ASH1L: variants seen among roughly 807,000 people sequenced by gnomAD.
ASH1L encodes ASH1 like histone lysine methyltransferase, also known as histone-lysine N-methyltransferase ASH1L.
In ASH1L, 23 loss-of-function variants were observed where a neutral mutation model predicts 269.0. The ratio of observed to expected loss-of-function variants is 0.09; its 90% confidence interval spans 0.06 to 0.12. The LOEUF is 0.12. Ranked by LOEUF, ASH1L falls within the 10% of genes least tolerant of loss-of-function variation. ASH1L has a pLI of 1.00. For synonymous variants in ASH1L, 1,187 were observed against 1,253.5 expected (o/e 0.95, Z 1.12); for missense variants, 2,912 against 3,567.8 (o/e 0.82, Z 4.68).
rs111792086 is a variant in ASH1L at position 155,515,538 on chromosome 1, T to C, written c.420+5562A>G. Among the ~76,000 whole-genome samples the C allele has an allele frequency of 8.6e-3, 1,308 of 152,180 alleles. 7 individuals carry two copies. Among genetic ancestry groups the C allele is most frequent in the Non-Finnish European group, 0.013 (898 of 68,016 alleles). ...CCTAGTTATGATGATTTAAAATTCA[T>C]GGTCAATGGCCGGACACAGGGACTC... On this transcript the variant is annotated intron_variant, in intron 2 of 27. Coordinates refer to ENST00000392403, the MANE Select transcript of ASH1L (RefSeq NM_018489.3).
At chr1:155,422,865 G>T (rs1165261792) in intron 5 of ASH1L, among the ~76,000 whole-genome samples, 3 of 151,528 alleles carry the variant, frequency 2.0e-5, no homozygotes, top group East Asian at 3.9e-4. Flanking sequence ...GACCAGGCTG[G>T]TCTTGAACTA....
chr1:155,341,120 C>T (rs765443557), intron 25 of ASH1L, among the ~76,000 whole-genome samples: 40 of 149,588 alleles, frequency 2.7e-4, no homozygotes, highest in South Asian at 1.5e-3. Context: ...TACAGGTGCG[C>T]GCCACCACAC....
rs1166006200 is a variant in ASH1L, at chr1:155,343,751, A to G, written c.7982-9T>C. 6.2e-7 allele frequency: 1 copy of G among 1,610,400 alleles called. No individual in the cohort carries two copies. Among genetic ancestry groups the G allele is most frequent in the African/African-American group, 1.3e-5 (1 of 74,772 alleles). ...CAGATACACACAGTCACCTAGGAAG[A>G]CCCAGAACACAGAAGAAACATAAAA... On this transcript the variant is annotated splice_polypyrimidine_tract_variant and intron_variant, in intron 22 of 27. Transcript: ENST00000392403. This position sits in a 1 kb window ranked among gnomAD's most constrained non-coding sequence, Gnocchi z 6.1.
intron 3 of ASH1L, among the ~76,000 whole-genome samples, chr1:155,468,328 G>A (rs1002052532): frequency 6.6e-6 from 1 of 151,650 alleles, no homozygotes; most frequent in South Asian, 2.1e-4. Flanking sequence ...CTTGGTTAAG[G>A]TGCTGTCTGC....
In ASH1L at chr1:155,507,196, C is replaced by T. The variant is rs562744539; in HGVS notation, c.420+13904G>A. ...TCGGGAGGCTGAGGCAGGAGAATCG[C>T]TTGAACCCAGGAGGTGGAGGTTGCG... On this transcript the variant is annotated intron_variant, in intron 2 of 27. Coordinates refer to ENST00000392403, the MANE Select transcript of ASH1L (RefSeq NM_018489.3). Among the ~76,000 whole-genome samples the T allele has an allele frequency of 2.0e-5, 3 of 150,966 alleles. No individual in the cohort carries two copies. In the East Asian group the frequency reaches 6.0e-4, roughly 30 times the overall value.
Position 155,439,027 on chromosome 1 carries a change from C to G in ASH1L, c.5128G>C (p.Gly1710Arg), listed in dbSNP as rs1662335459. Residue 1710 changes from glycine to arginine, a missense_variant, in exon 5 of 28, where the codon GGG becomes CGG. Transcript: ENST00000392403. ...PSRSPRLVAS[G>R]DDSVDSLLQR... ...AGCAGACTATCCACAGAGTCATCCC[C>G]AGAAGCAACTAATCTTGGACTTCGA... is the stretch of plus-strand genomic sequence containing the variant. 6.2e-7 allele frequency: 1 copy of G among 1,612,828 alleles called. No homozygotes were observed. Among genetic ancestry groups the G allele is most frequent in the Middle Eastern group, 1.7e-4 (1 of 6,060 alleles).
chr1:155,494,780 A>G (rs1667040100), intron 2 of ASH1L, among the ~76,000 whole-genome samples: 1 of 152,228 alleles, frequency 6.6e-6, no homozygotes, highest in East Asian at 1.9e-4. Context: ...CAAATTTAGA[A>G]GTCAACAGCA....
intron 1 of ASH1L, among the ~76,000 whole-genome samples, chr1:155,542,830 C>A (rs562408758): frequency 1.3e-5 from 2 of 151,596 alleles, no homozygotes; most frequent in East Asian, 4.0e-4. Flanking sequence ...CATGTGCCCG[C>A]CACCATGCCC....
At chr1:155,393,472 C>A (rs763644644) in intron 7 of ASH1L, among the ~76,000 whole-genome samples, 1 of 152,078 alleles carries the variant, frequency 6.6e-6, no homozygotes, top group Non-Finnish European at 1.5e-5. Flanking sequence ...GTTTAATGAA[C>A]CCCTTTAAAG....
At chr1:155,502,066 CTTTTCTTT>C (rs1667545572) in intron 2 of ASH1L, among the ~76,000 whole-genome samples, 1 of 143,450 alleles carries the variant, frequency 7.0e-6, no homozygotes, top group Admixed American at 6.9e-5. Flanking sequence ...CTTTTCTTTT[CTTTTCTTT>C]TTTTTTTTTT....
At chr1:155,361,872 CAAAA>C (rs771879733) in intron 12 of ASH1L, among the ~76,000 whole-genome samples, 1 of 58,676 alleles carries the variant, frequency 1.7e-5, no homozygotes, top group Non-Finnish European at 3.8e-5. Context: ...GACTCCGTCT[CAAAA>C]AAAAAAAAAA....
At chr1:155,548,927 T>C (rs1671009084) in intron 1 of ASH1L, among the ~76,000 whole-genome samples, 1 of 152,160 alleles carries the variant, frequency 6.6e-6, no homozygotes, top group Non-Finnish European at 1.5e-5. Flanking sequence ...GCCCTTTGTA[T>C]CCATGGGTTT....
intron 1 of ASH1L, among the ~76,000 whole-genome samples, chr1:155,536,154 AG>A (rs1336128851): frequency 6.6e-6 from 1 of 152,206 alleles, no homozygotes; most frequent in Non-Finnish European, 1.5e-5. Context: ...TGGAGGTTCT[AG>A]TCAAGCCAAA....
At position 155,342,109 on chromosome 1, in the gene ASH1L, G is replaced by A; in HGVS notation, c.8294-7C>T. 2.5e-6 allele frequency: 4 copies of A among 1,613,514 alleles called. No homozygotes were observed. The highest frequency in any genetic ancestry group is 3.4e-6 in the Non-Finnish European group (4 of 1,179,536). ...TTTACTCCTTTGGGTCTCCCTATGG[G>A]TCCAACCAGTGTTAAGGAATCCTAT... On this transcript the variant is annotated splice_region_variant and splice_polypyrimidine_tract_variant and intron_variant, in intron 24 of 27. Transcript: ENST00000392403.
chr1:155,502,199 T>A (rs1168661410), intron 2 of ASH1L, among the ~76,000 whole-genome samples: 1 of 150,772 alleles, frequency 6.6e-6, no homozygotes, highest in East Asian at 1.9e-4. Context: ...GCCTCCCGAG[T>A]AGCTGAGATT....
chr1:155,549,606 C>T (rs1268324664), intron 1 of ASH1L, among the ~76,000 whole-genome samples: 1 of 126,144 alleles, frequency 7.9e-6, no homozygotes, highest in Non-Finnish European at 1.6e-5. Flanking sequence ...GCTTGGGTGA[C>T]AGAGCAAGAC....
intron 4 of ASH1L, among the ~76,000 whole-genome samples, 182 bp from the exon 5 acceptor site, chr1:155,439,250 C>T (rs1385742324): frequency 2.0e-5 from 3 of 151,968 alleles, no homozygotes; most frequent in African/African-American, 2.4e-5. Context: ...CAAAGTTGGC[C>T]TATATTTCTC....
intron 7 of ASH1L, among the ~76,000 whole-genome samples, chr1:155,394,622 G>C (rs189849081): frequency 1.3e-5 from 2 of 152,202 alleles, no homozygotes; most frequent in African/African-American, 2.4e-5. Flanking sequence ...GAAAAAAATG[G>C]GAGGAACTTA....
Position 155,562,361 on chromosome 1 carries a change from C to T in ASH1L, c.-308G>A, listed in dbSNP as rs773676388. On this transcript the variant is annotated 5_prime_UTR_variant, in exon 1 of 28. Coordinates refer to ENST00000392403, the MANE Select transcript of ASH1L (RefSeq NM_018489.3). ...CTAAAGGGGGCAAACTGAGGGGAGG[C>T]GGGTCCCGCAACCGAGACTGGGATC... 2.2e-5 allele frequency: 33 copies of T among 1,525,118 alleles called. No homozygotes were observed. The East Asian group carries it at 6.4e-4, about 30-fold the overall frequency. The allele number at this position is 1,525,118 out of a possible 1,614,324, so 94.5% of individuals were successfully genotyped here.
Sources: gnomAD v4.1 joint callset for allele counts (sites outside exome capture counted in the v4.1 genomes callset) on GRCh38, gnomAD v4.1.1 for gene constraint, Gnocchi (gnomAD v3.1) non-coding constraint, MANE v1.5 for transcripts, NCBI Gene and HGNC (gene_info 2026-07-23, HGNC 2026-07-21) for gene names.